Variants in UNC5D observed in about 807,000 individuals in gnomAD.
UNC5D encodes the protein netrin receptor UNC5D.
A neutral mutation model predicts 105.4 loss-of-function variants in UNC5D; 39 were observed. That is an observed-to-expected ratio of 0.37 (90% confidence interval 0.29 to 0.48). The LOEUF (loss-of-function observed/expected upper bound fraction) is 0.48. UNC5D is among the 20% of genes least tolerant of loss of function. UNC5D has a pLI of 0.98. For missense variants in UNC5D, 991 were observed against 1,202.4 expected (o/e 0.82, Z 2.60); for synonymous variants, 452 against 450.4 (o/e 1.00, Z -0.04).
At chr8:35,468,136 A>G (rs1809444673) in intron 1 of UNC5D, among the ~76,000 whole-genome samples, 1 of 152,214 alleles carries the variant, frequency 6.6e-6, no homozygotes, top group Non-Finnish European at 1.5e-5. Flanking sequence ...TCAGAATGTA[A>G]TAGTTGAAAC....
chr8:35,649,019 G>A (rs1823243931), intron 4 of UNC5D, among the ~76,000 whole-genome samples: 1 of 151,802 alleles, frequency 6.6e-6, no homozygotes, highest in Non-Finnish European at 1.5e-5. Flanking sequence ...AGAAGGAGAT[G>A]GTACTTCACT....
chr8:35,767,137 C>A, intron 15 of UNC5D, 71 bp downstream of exon 15: 1 of 1,477,556 alleles, frequency 6.8e-7, no homozygotes, highest in Non-Finnish European at 9.1e-7. Context: ...GCTATACCTA[C>A]CAGCCGTGCT....
intron 1 of UNC5D, among the ~76,000 whole-genome samples, chr8:35,260,440 T>C (rs985419051): frequency 1.3e-5 from 2 of 152,208 alleles, no homozygotes; most frequent in African/African-American, 4.8e-5. Context: ...CAAAGTGTTA[T>C]CTGCAGGAAG....
intron 1 of UNC5D, among the ~76,000 whole-genome samples, chr8:35,384,812 G>A (rs1474031909): frequency 1.3e-5 from 2 of 152,182 alleles, no homozygotes; most frequent in Non-Finnish European, 2.9e-5. Context: ...TATGACTAAA[G>A]GTTTACACTT....
intron 1 of UNC5D, among the ~76,000 whole-genome samples, chr8:35,446,686 C>T (rs995490767): frequency 6.6e-6 from 1 of 151,994 alleles, no homozygotes; most frequent in Non-Finnish European, 1.5e-5. Context: ...TTTCTAATTT[C>T]GCAAATTCTG....
At chr8:35,558,775 G>A (rs921186322) in intron 2 of UNC5D, among the ~76,000 whole-genome samples, 2 of 152,248 alleles carry the variant, frequency 1.3e-5, no homozygotes, top group Non-Finnish European at 2.9e-5. Flanking sequence ...TTGAGGCCTG[G>A]AGTTTCAGAC....
chr8:35,236,938 G>T (rs185448481), intron 1 of UNC5D, among the ~76,000 whole-genome samples: 1 of 152,098 alleles, frequency 6.6e-6, no homozygotes, highest in Non-Finnish European at 1.5e-5. Context: ...GTGGAGCTGA[G>T]CTGACCACTT....
At chr8:35,286,681 G>A (rs113091753) in intron 1 of UNC5D, among the ~76,000 whole-genome samples, 1 of 152,148 alleles carries the variant, frequency 6.6e-6, no homozygotes, top group African/African-American at 2.4e-5. Context: ...GCAGTTGCAG[G>A]TCAGTGATTA....
rs536655160 is a variant in UNC5D, at chr8:35,350,289, G to T, written c.103+114402G>T. The stretch of plus-strand genomic sequence containing the variant: ...ACAAATTGTAGCATAGTCATTTAAT[G>T]GGGTCCTATCTCAAAAACATAATGT... On this transcript the variant is annotated intron_variant, in intron 1 of 16. Transcript: ENST00000404895. 3.3e-5 allele frequency among the ~76,000 whole-genome samples: 5 copies of T among 151,932 alleles called. No individual in the cohort carries two copies. In the South Asian group the frequency reaches 1.0e-3, roughly 32 times the overall value.
chr8:35,335,286 T>G (rs1356751717), intron 1 of UNC5D, among the ~76,000 whole-genome samples: 1 of 152,234 alleles, frequency 6.6e-6, no homozygotes, highest in Non-Finnish European at 1.5e-5. Flanking sequence ...ATCTCTTGGC[T>G]AAATAACCAG....
intron 15 of UNC5D, among the ~76,000 whole-genome samples, chr8:35,768,296 G>A (rs745494095): frequency 5.3e-5 from 8 of 152,052 alleles, no homozygotes; most frequent in African/African-American, 9.7e-5. Context: ...CAGTATTTGC[G>A]TTCATTATTG....
At chr8:35,339,196 T>G (rs898722903) in intron 1 of UNC5D, among the ~76,000 whole-genome samples, 9 of 152,186 alleles carry the variant, frequency 5.9e-5, no homozygotes, top group African/African-American at 2.2e-4. Flanking sequence ...TCCTCCTTCC[T>G]TCCCTATTGA....
chr8:35,453,145 A>G (rs1274918227), intron 1 of UNC5D, among the ~76,000 whole-genome samples: 2 of 152,170 alleles, frequency 1.3e-5, no homozygotes, highest in African/African-American at 4.8e-5. Context: ...ACTGACCTCA[A>G]ATGAATGGCA....
intron 1 of UNC5D, among the ~76,000 whole-genome samples, chr8:35,443,579 G>C (rs777413940): frequency 2.6e-5 from 4 of 151,720 alleles, no homozygotes; most frequent in African/African-American, 9.7e-5. Flanking sequence ...GGGAATCTGC[G>C]GAATATTTAG....
chr8:35,404,913 C>G (rs1046720890), intron 1 of UNC5D, among the ~76,000 whole-genome samples: 6 of 152,090 alleles, frequency 3.9e-5, no homozygotes, highest in Non-Finnish European at 8.8e-5. Flanking sequence ...TATGTACATT[C>G]AAGTTGGAGA....
intron 4 of UNC5D, among the ~76,000 whole-genome samples, chr8:35,679,835 G>T (rs192744979): frequency 3.5e-4 from 54 of 152,290 alleles, no homozygotes; most frequent in Middle Eastern, 6.8e-3. Flanking sequence ...TCAAGGGAAA[G>T]AAATTTATTT....
chr8:35,236,337 G>A (rs1802458219), intron 1 of UNC5D, among the ~76,000 whole-genome samples: 1 of 129,772 alleles, frequency 7.7e-6, no homozygotes, highest in African/African-American at 2.9e-5. Context: ...TGAACAGAGA[G>A]GGTGTCTTTT....
intron 4 of UNC5D, among the ~76,000 whole-genome samples, chr8:35,599,803 T>A (rs139087991): frequency 0.015 from 2,352 of 152,308 alleles, 53 homozygotes; most frequent in African/African-American, 0.05. Context: ...TATATTTTCT[T>A]TTTTTATTAT....
At chr8:35,242,040 T>C (rs1802837849) in intron 1 of UNC5D, among the ~76,000 whole-genome samples, 1 of 152,162 alleles carries the variant, frequency 6.6e-6, no homozygotes, top group Non-Finnish European at 1.5e-5. Flanking sequence ...GAGAGGTCAA[T>C]GTTGGCTTTA....
Sources: allele counts gnomAD v4.1 joint callset (sites outside exome capture counted in the v4.1 genomes callset), GRCh38; gene constraint gnomAD v4.1.1; transcripts MANE v1.5; gene names NCBI Gene and HGNC (gene_info 2026-07-23, HGNC 2026-07-21).